The following ZMYND8 variants were observed in gnomAD, a reference collection of about 807,000 sequenced individuals.
ZMYND8 encodes zinc finger MYND-type containing 8.
A neutral mutation model predicts 140.8 loss-of-function variants in ZMYND8; 37 were observed. The ratio of observed to expected loss-of-function variants is 0.26; its 90% CI spans 0.20 to 0.35. ZMYND8 has a LOEUF of 0.35. ZMYND8 is among the 10% of genes least tolerant of loss of function. ZMYND8 has a pLI of 1.00. For missense variants in ZMYND8, 1,068 were observed against 1,570.0 expected (o/e 0.68, Z 5.40); for synonymous variants, 592 against 597.1 (o/e 0.99, Z 0.12).
At chr20:47,264,654 A>G (rs1169441478) in intron 11 of ZMYND8, among the ~76,000 whole-genome samples, 2 of 142,840 alleles carry the variant, frequency 1.4e-5, no homozygotes, top group Non-Finnish European at 3.2e-5. Flanking sequence ...GGCATGCCAC[A>G]TTCCTTCACT....
At chr20:47,286,715 C>T (rs184314985) in intron 8 of ZMYND8, among the ~76,000 whole-genome samples, 6 of 152,326 alleles carry the variant, frequency 3.9e-5, no homozygotes, top group African/African-American at 1.4e-4. Flanking sequence ...GCCTGTCCCA[C>T]AACCACCAGA....
intron 16 of ZMYND8, among the ~76,000 whole-genome samples, chr20:47,232,916 T>G (rs7261036): frequency 0.27 from 40,652 of 148,872 alleles, 6,792 homozygotes; most frequent in Non-Finnish European, 0.38. Context: ...GTTTTTTTTT[T>G]TTTTTGAGAC....
intron 12 of ZMYND8, among the ~76,000 whole-genome samples, chr20:47,251,885 C>T (rs956451765): frequency 2.6e-5 from 4 of 152,022 alleles, no homozygotes; most frequent in African/African-American, 9.7e-5. Flanking sequence ...CCATGCAAGC[C>T]TCCAGGTGTA....
chr20:47,213,520 CAA>C (rs1417221522), intron 21 of ZMYND8, among the ~76,000 whole-genome samples: 1 of 152,156 alleles, frequency 6.6e-6, no homozygotes, highest in Non-Finnish European at 1.5e-5. Flanking sequence ...AGCCAACAGA[CAA>C]GAGTGAGGCT....
intron 2 of ZMYND8, among the ~76,000 whole-genome samples, chr20:47,336,346 C>T (rs1206512908): frequency 1.3e-5 from 2 of 152,286 alleles, no homozygotes; most frequent in East Asian, 1.9e-4. Flanking sequence ...CCTGGGCTTC[C>T]GCTGCATCTG....
At chr20:47,283,046 C>A (rs2076707257) in intron 9 of ZMYND8, among the ~76,000 whole-genome samples, 1 of 152,110 alleles carries the variant, frequency 6.6e-6, no homozygotes, top group African/African-American at 2.4e-5. Context: ...AACCCACCAA[C>A]CCCACCCCCA....
At chr20:47,221,832 A>AT (rs1435648082) in intron 19 of ZMYND8, among the ~76,000 whole-genome samples, 2 of 152,072 alleles carry the variant, frequency 1.3e-5, no homozygotes, top group African/African-American at 4.8e-5. Flanking sequence ...TGTCCGACTA[A>AT]TTTTTTGTAT....
chr20:47,341,989 C>A (rs995886142), intron 2 of ZMYND8, among the ~76,000 whole-genome samples: 1 of 146,700 alleles, frequency 6.8e-6, no homozygotes, highest in Non-Finnish European at 1.5e-5. Context: ...GGTGACAGGG[C>A]GTGACTCCGT....
intron 22 of ZMYND8, among the ~76,000 whole-genome samples, chr20:47,211,656 G>A (rs1167380674): frequency 1.3e-5 from 2 of 152,210 alleles, no homozygotes; most frequent in Admixed American, 6.5e-5. Flanking sequence ...CTAGATGGCT[G>A]ACTGGAGAAA....
At chr20:47,215,573 C>G (rs2035970832) in intron 21 of ZMYND8, among the ~76,000 whole-genome samples, 1 of 151,082 alleles carries the variant, frequency 6.6e-6, no homozygotes, top group African/African-American at 2.4e-5. Context: ...TGGCTATTCA[C>G]AGGCACTCAC....
intron 15 of ZMYND8, chr20:47,238,120 A>T (rs934083282): frequency 6.5e-6 from 1 of 153,050 alleles, no homozygotes; most frequent in African/African-American, 2.4e-5. Context: ...CTCACAGTAG[A>T]AAAAAAACTG....
rs147265362 is a variant in ZMYND8, at chr20:47,340,796, T to C, written c.85+7060A>G. Among the ~76,000 whole-genome samples, 556 of 148,212 alleles carry C rather than the reference T, an allele frequency of 3.8e-3. 9 individuals are homozygous for C. Among genetic ancestry groups the C allele is most frequent in the African/African-American group, 0.013 (510 of 39,028 alleles). ...AGCAAGACTCTGTCTCAAAAAGTAT[T>C]TTTTTTAATGTAAAAAAAAAAAAAA... On this transcript the variant is annotated intron_variant, in intron 2 of 22. Transcript: ENST00000471951.
At position 47,229,911 on chromosome 20, in the gene ZMYND8, G is replaced by A. The variant is rs188957310; in HGVS notation, c.2857-105C>T. ...GTATAAAGCAGAGGTTCTCAACTTA[G>A]GGCAATTTTGTCCCGCATGAGACAC... On this transcript the variant is annotated intron_variant, in intron 16 of 22. Transcript: ENST00000471951. 238 of 1,006,372 alleles carry A rather than the reference G, an allele frequency of 2.4e-4. 3 individuals are homozygous for A. In the African/African-American group the frequency reaches 3.6e-3, roughly 15 times the overall value. 62.3% of individuals were successfully genotyped at this position (1,006,372 alleles called of 1,614,324 possible).
intron 12 of ZMYND8, among the ~76,000 whole-genome samples, chr20:47,258,717 C>A (rs200507630): frequency 6.6e-6 from 1 of 152,052 alleles, no homozygotes; most frequent in East Asian, 1.9e-4. Context: ...AAAGTCGTTC[C>A]ACGGCTGACA....
chr20:47,258,436 T>C (rs996066301), intron 12 of ZMYND8, among the ~76,000 whole-genome samples: 1 of 152,236 alleles, frequency 6.6e-6, no homozygotes, highest in Non-Finnish European at 1.5e-5. Flanking sequence ...AATTCACTTT[T>C]GGGAGAATAC....
chr20:47,268,514 C>T (rs545187079), intron 11 of ZMYND8, among the ~76,000 whole-genome samples: 1 of 151,380 alleles, frequency 6.6e-6, no homozygotes, highest in African/African-American at 2.4e-5. Flanking sequence ...AGGATGGTCT[C>T]GATCTCCTGA....
At chr20:47,271,444 T>C (rs2075941445) in intron 11 of ZMYND8, among the ~76,000 whole-genome samples, 1 of 152,230 alleles carries the variant, frequency 6.6e-6, no homozygotes, top group African/African-American at 2.4e-5. Context: ...TTAAGTGTTA[T>C]ACACCCATAT....
intron 21 of ZMYND8, among the ~76,000 whole-genome samples, chr20:47,218,015 G>A (rs1403626496): frequency 2.0e-5 from 3 of 152,148 alleles, no homozygotes; most frequent in African/African-American, 7.2e-5. Flanking sequence ...ATTGGCACAA[G>A]GCACACGTTT....
chr20:47,279,651 C>T (rs2076480744), intron 10 of ZMYND8, among the ~76,000 whole-genome samples: 2 of 152,088 alleles, frequency 1.3e-5, no homozygotes, highest in African/African-American at 4.8e-5. Flanking sequence ...CCTAGGCACT[C>T]TCTGACCTTA....
Sources: allele counts gnomAD v4.1 joint callset (sites outside exome capture counted in the v4.1 genomes callset), GRCh38; gene constraint gnomAD v4.1.1; transcripts MANE v1.5; gene names NCBI Gene and HGNC (gene_info 2026-07-23, HGNC 2026-07-21).